The following MYB variants were observed in gnomAD, a reference collection of about 807,000 sequenced individuals.
The protein encoded by MYB is MYB proto-oncogene, transcription factor, also known as transcriptional activator Myb.
A neutral mutation model predicts 92.9 loss-of-function variants in MYB; 28 were observed. The ratio of observed to expected loss-of-function variants is 0.30; its 90% CI spans 0.22 to 0.41. MYB has a LOEUF of 0.41. MYB is among the 10% of genes least tolerant of loss of function. The probability of loss-of-function intolerance (pLI) is 1.00; values close to 1 mark genes in which losing one functional copy is unlikely to be tolerated. For missense variants in MYB, 679 were observed against 929.3 expected, an observed-to-expected ratio of 0.73 and a Z score of 3.50; for synonymous variants, 295 against 329.1, an observed-to-expected ratio of 0.90 and a Z score of 1.12.
At position 135,195,954 on chromosome 6, in the gene MYB, T is replaced by G; in HGVS notation, c.1155T>G (p.Asn385Lys). The change falls in exon 9 of 16, where the codon AAT becomes AAG. Residue 385 changes from asparagine (N) to lysine (K), a missense_variant. By Grantham distance (94) the Asn-to-Lys change is moderately conservative (BLOSUM62 0). Around this residue, in one of 8 missense-constraint regions of MYB, gnomAD observed 20 missense variants for 46.7 expected, o/e 0.43. Transcript: ENST00000341911. The stretch of plus-strand genomic sequence containing the variant: ...TCCACCAGGGCACCATTCTGGATAA[T>G]GTTAAGAACCTCTTAGAATTTGCAG... ...MIVHQGTILD[N>K]VKNLLEFAET... is the part of the protein sequence containing the mutation. 1 of 1,614,196 alleles carries G rather than the reference T, an allele frequency of 6.2e-7. No individual in the cohort carries two copies. The highest frequency in any genetic ancestry group is 8.5e-7 in the Non-Finnish European group (1 of 1,180,004).
chr6:135,189,909 G>A (rs947842836), intron 4 of MYB, 26 bp downstream of exon 4: 2 of 1,582,140 alleles, frequency 1.3e-6, no homozygotes, highest in African/African-American at 2.7e-5. Context: ...ATTGGTGTGT[G>A]ACTCATAATT....
chr6:135,196,357 CT>C (rs1216723811), intron 9 of MYB, among the ~76,000 whole-genome samples: 12 of 150,274 alleles, frequency 8.0e-5, no homozygotes, highest in Admixed American at 3.3e-4. Flanking sequence ...TTACTTTTAA[CT>C]TTTTTTTTTC....
At chr6:135,205,890 T>A (rs1313322352) in intron 15 of MYB, among the ~76,000 whole-genome samples, 1 of 152,094 alleles carries the variant, frequency 6.6e-6, no homozygotes, top group Non-Finnish European at 1.5e-5. Context: ...GGCAACATAG[T>A]GAGACTCAGT....
rs1292616781 is a variant in MYB at position 135,196,947 on chromosome 6, C to T, written c.1204-14C>T. The T allele has an allele frequency of 6.2e-7, 1 of 1,606,714 alleles. No individual in the cohort carries two copies. The highest frequency in any genetic ancestry group is 1.3e-5 in the African/African-American group (1 of 74,762). On this transcript the variant is annotated splice_polypyrimidine_tract_variant and intron_variant, in intron 9 of 15. Transcript: ENST00000341911. ...ACACTATCTCAAAGTTCTGTGCCTC[C>T]CACATTGTTTCAGGATTCTTCATCA...
chr6:135,216,399 C>CGAGGCTGT (rs1333551725), intron 15 of MYB, among the ~76,000 whole-genome samples: 11 of 152,076 alleles, frequency 7.2e-5, no homozygotes, highest in African/African-American at 2.7e-4. Flanking sequence ...TGGTCAAAGT[C>CGAGGCTGT]GAGGCTGTGA....
chr6:135,183,656 G>C (rs1290827332), intron 1 of MYB, among the ~76,000 whole-genome samples: 1 of 152,246 alleles, frequency 6.6e-6, no homozygotes, highest in African/African-American at 2.4e-5. Context: ...AGGCGAGCCT[G>C]GGTGGCCAGC....
intron 9 of MYB, 115 bp downstream of exon 9, chr6:135,196,117 A>T: frequency 9.3e-7 from 1 of 1,071,456 alleles, no homozygotes; most frequent in Non-Finnish European, 1.3e-6. Context: ...ATTAATGTAA[A>T]GGTAGAAGTA....
At chr6:135,206,160 A>G (rs1778839985) in intron 15 of MYB, among the ~76,000 whole-genome samples, 1 of 140,194 alleles carries the variant, frequency 7.1e-6, no homozygotes, top group Non-Finnish European at 1.5e-5. Context: ...GAGCTGAGAT[A>G]GCGCCACTAC....
At chr6:135,212,224 CTTTTTTTTT>C (rs545704827) in intron 15 of MYB, among the ~76,000 whole-genome samples, 24 of 32,888 alleles carry the variant, frequency 7.3e-4, no homozygotes, top group South Asian at 2.1e-3. Context: ...TTTGGTTTTA[CTTTTTTTTT>C]TTTTTTTTTT....
chr6:135,187,971 T>A, intron 3 of MYB, 66 bp downstream of exon 3: 1 of 1,190,054 alleles, frequency 8.4e-7, no homozygotes, highest in Non-Finnish European at 1.2e-6. Flanking sequence ...TAAAATATTC[T>A]AGGAGGAGTT....
intron 3 of MYB, 25 bp downstream of exon 3, chr6:135,187,930 A>C: frequency 6.6e-7 from 1 of 1,524,114 alleles, no homozygotes; most frequent in South Asian, 1.1e-5. Flanking sequence ...TTTTCTTATA[A>C]CGAAAGGAAA....
intron 1 of MYB, among the ~76,000 whole-genome samples, chr6:135,184,771 T>C (rs1056420078): frequency 3.9e-5 from 6 of 152,210 alleles, no homozygotes; most frequent in Non-Finnish European, 5.9e-5. Flanking sequence ...TTGTTTTTAT[T>C]GGTCTTAGTT....
chr6:135,201,458 T>A (rs949396833), intron 13 of MYB, among the ~76,000 whole-genome samples, 181 bp from the exon 14 acceptor site: 2 of 152,226 alleles, frequency 1.3e-5, no homozygotes, highest in African/African-American at 4.8e-5. Flanking sequence ...TAGTCACATT[T>A]CAAATTTGCC....
chr6:135,208,200 T>C (rs1779237218), intron 15 of MYB, among the ~76,000 whole-genome samples: 1 of 147,294 alleles, frequency 6.8e-6, no homozygotes, highest in African/African-American at 2.5e-5. Context: ...TGCCTTAGCC[T>C]CTCGAGTAGC....
chr6:135,193,016 G>C (rs1776823240), intron 6 of MYB, among the ~76,000 whole-genome samples: 1 of 152,138 alleles, frequency 6.6e-6, no homozygotes, highest in South Asian at 2.1e-4. Flanking sequence ...GTTATGGTAT[G>C]TTTCATTCTG....
In MYB at chr6:135,218,421, T is replaced by C. The variant is rs895622879; in HGVS notation, c.*441T>C. On this transcript the variant is annotated 3_prime_UTR_variant, in exon 16 of 16. Transcript: ENST00000341911. ...TTAAAAATCAGTAAAAGCATTACTC[T>C]AAGTGTAGACTTAATACCATGTGAC... 8.8e-5 allele frequency: 19 copies of C among 215,686 alleles called. No individual in the cohort carries two copies. The highest frequency in any genetic ancestry group is 4.2e-4 in the African/African-American group (18 of 43,108). 13.4% of individuals were successfully genotyped at this position (215,686 alleles called of 1,614,324 possible). A position where few individuals can be genotyped will look rare whatever the true frequency, so the allele number is the denominator to read the frequency against.
rs953813181 is a variant in MYB, at chr6:135,187,995, A to G, written c.213+90A>G. On this transcript the variant is annotated intron_variant, in intron 3 of 15. Coordinates refer to ENST00000341911, the MANE Select transcript of MYB (RefSeq NM_001130173.2). Reference sequence around the variant, plus strand: ...CTAGGAGGAGTTATTAAGATAGTGTATAATTTACTCACATTTAAGAAGTGG... The same window carrying G: ...CTAGGAGGAGTTATTAAGATAGTGTGTAATTTACTCACATTTAAGAAGTGG... 12 of 878,396 alleles carry G rather than the reference A, an allele frequency of 1.4e-5. No individual in the cohort carries two copies. In the African/African-American group the frequency reaches 1.9e-4, roughly 14 times the overall value. The allele number at this position is 878,396 out of a possible 1,614,324, so 54.4% of individuals were successfully genotyped here.
In MYB at chr6:135,218,056, C is replaced by T; in HGVS notation, c.*76C>T. ...GGATATATCATTCCTCAACATGAAA[C>T]TTTTCATGAATGGGAGAAGAACCTA... On this transcript the variant is annotated 3_prime_UTR_variant, in exon 16 of 16. Coordinates refer to ENST00000341911, the MANE Select transcript of MYB (RefSeq NM_001130173.2). 2.5e-6 allele frequency: 3 copies of T among 1,180,398 alleles called. No individual in the cohort carries two copies. The highest frequency in any genetic ancestry group is 3.8e-6 in the Non-Finnish European group (3 of 789,618). 73.1% of individuals were successfully genotyped at this position (1,180,398 alleles called of 1,614,324 possible).
intron 3 of MYB, among the ~76,000 whole-genome samples, chr6:135,188,298 G>A (rs2128287002): frequency 1.3e-5 from 2 of 152,070 alleles, no homozygotes; most frequent in Middle Eastern, 3.4e-3. Flanking sequence ...AAATTCTGAA[G>A]ACCTTTCTTG....
Sources: gnomAD v4.1 joint callset for allele counts (sites outside exome capture counted in the v4.1 genomes callset) on GRCh38, gnomAD v4.1.1 for gene constraint, gnomAD v4.1.1 regional missense constraint, MANE v1.5 for transcripts, NCBI Gene and HGNC (gene_info 2026-07-23, HGNC 2026-07-21) for gene names.